SUPT20HL1: variants seen among roughly 807,000 people sequenced by gnomAD.
SUPT20HL1 encodes transcription factor SPT20 homolog-like 1.
For synonymous variants in SUPT20HL1, 133 were observed against 79.2 expected, an observed-to-expected ratio of 1.68 and a Z score of -3.61; for missense variants, 277 against 200.3, an observed-to-expected ratio of 1.38 and a Z score of -2.31.
At position 24,364,799 on chromosome X, in the gene SUPT20HL1, G is replaced by T. The variant is rs1458479625; in HGVS notation, c.2039G>T (p.Gly680Val). ...PLQFFLNTPE[G>V]LRPLTLLQVP... ...CAGTTTTTCCTAAATACTCCGGAAGGTCTCAGGCCTCTGACACTCCTCCAG... is the reference window on the plus strand; with the variant it reads ...CAGTTTTTCCTAAATACTCCGGAAGTTCTCAGGCCTCTGACACTCCTCCAG... Residue 680 changes from glycine (G) to valine (V), a missense_variant, in exon 1 of 1, where the codon GGT becomes GTT. Physicochemically the swap from Gly to Val is moderately radical, Grantham distance 109. Coordinates refer to ENST00000686983, the MANE Select transcript of SUPT20HL1 (RefSeq NM_001136234.3). 1 of 387,945 alleles carries T rather than the reference G, an allele frequency of 2.6e-6. No homozygotes were observed. The highest frequency in any genetic ancestry group is 2.5e-5 in the African/African-American group (1 of 39,521). The allele number at this position is 387,945 out of a possible 1,213,427, so 32.0% of individuals were successfully genotyped here. A position where few individuals can be genotyped will look rare whatever the true frequency, so the allele number is the denominator to read the frequency against.
chrX:24,365,984 G>C lies in SUPT20HL1; in HGVS notation c.*560G>C, dbSNP rs753878737. On this transcript the variant is annotated 3_prime_UTR_variant, in exon 1 of 1. Coordinates refer to ENST00000686983, the MANE Select transcript of SUPT20HL1 (RefSeq NM_001136234.3). Reference sequence around the variant, plus strand: ...CACTGAAACTCATGCCCATTGAACAGCAGCTCCCCATTCTCCCTTGCCCAG... The same window carrying C: ...CACTGAAACTCATGCCCATTGAACACCAGCTCCCCATTCTCCCTTGCCCAG... 3.6e-5 allele frequency among the ~76,000 whole-genome samples: 4 copies of C among 111,405 alleles called. No individual in the cohort carries two copies. Among genetic ancestry groups the C allele is most frequent in the African/African-American group, 6.5e-5 (2 of 30,575 alleles).
Position 24,360,870 on chromosome X carries a change from CACAG to C in SUPT20HL1, c.-1885_-1882del, listed in dbSNP as rs1329706244. On this transcript the variant is annotated 5_prime_UTR_variant, in exon 1 of 1. An upstream open reading frame in the 5' UTR loses its in-frame stop. Transcript: ENST00000686983. ...CCCTTGGCACTCACCATTCTGTACA[CACAG>C]ACAGAGTATTACCGCAAGCACCTGT... 6.3e-5 allele frequency among the ~76,000 whole-genome samples: 7 copies of C among 111,926 alleles called. No homozygotes were observed. Among genetic ancestry groups the C allele is most frequent in the Non-Finnish European group, 9.4e-5 (5 of 53,201 alleles).
In SUPT20HL1 at chrX:24,365,728, A is replaced by G. The variant is rs1939479695; in HGVS notation, c.*304A>G. ...GTTTGAGTCTAAACTCGTGAAACGT[A>G]TAATTTCTCTAAAGCCGTAAAATGG... On this transcript the variant is annotated 3_prime_UTR_variant, in exon 1 of 1. Coordinates refer to ENST00000686983, the MANE Select transcript of SUPT20HL1 (RefSeq NM_001136234.3). 8.9e-6 allele frequency among the ~76,000 whole-genome samples: 1 copy of G among 112,324 alleles called. No individual in the cohort carries two copies. Among genetic ancestry groups the G allele is most frequent in the Non-Finnish European group, 1.9e-5 (1 of 53,333 alleles).
At position 24,365,606 on chromosome X, in the gene SUPT20HL1, G is replaced by T. The variant is rs1409292054; in HGVS notation, c.*182G>T. Among the ~76,000 whole-genome samples, 1 of 111,527 alleles carries T rather than the reference G, an allele frequency of 9.0e-6. No individual in the cohort carries two copies. Among genetic ancestry groups the T allele is most frequent in the South Asian group, 3.7e-4 (1 of 2,672 alleles). ...TAGAAACGGAAGTGATTTCCTAAAG[G>T]AGCGTTGTTTTGCTTAAGTTACTCT... On this transcript the variant is annotated 3_prime_UTR_variant, in exon 1 of 1. Coordinates refer to ENST00000686983, the MANE Select transcript of SUPT20HL1 (RefSeq NM_001136234.3).
rs1186768578 is a variant in SUPT20HL1 at position 24,367,177 on chromosome X, C to T, written c.*1753C>T. Among the ~76,000 whole-genome samples the T allele has an allele frequency of 1.8e-5, 2 of 112,246 alleles. No individual in the cohort carries two copies. The highest frequency in any genetic ancestry group is 9.4e-5 in the Admixed American group (1 of 10,604). On this transcript the variant is annotated 3_prime_UTR_variant, in exon 1 of 1. Transcript: ENST00000686983. ...TCCTATCTGTGGTTCAATAACATTC[C>T]ATTGTTTGTATGTAGCAGATTTTGT...
At position 24,364,383 on chromosome X, in the gene SUPT20HL1, T is replaced by C. The variant is rs765320766; in HGVS notation, c.1623T>C (p.Ala541=). 40 of 589,247 alleles carry C rather than the reference T, an allele frequency of 6.8e-5. No homozygotes were observed. In the Middle Eastern group the frequency reaches 9.6e-4, roughly 14 times the overall value. The allele number at this position is 589,247 out of a possible 1,213,427, so 48.6% of individuals were successfully genotyped here. ...AAAAAPALAA[A]AAPAPAPAAA... is the part of the protein sequence containing the mutation. The stretch of plus-strand genomic sequence containing the variant: ...CTGCTGCTCCTGCTCTAGCTGCTGC[T>C]GCTGCTCCTGCTCCTGCTCCTGCCG... Residue 541 remains alanine (A), a synonymous_variant, in exon 1 of 1, where the codon GCT becomes GCC. Transcript: ENST00000686983.
chrX:24,364,851 C>T lies in SUPT20HL1; in HGVS notation c.2091C>T (p.Thr697=), dbSNP rs1319241068. ...LQVPQGSAVL[T]GPQQQSHQLV... is the part of the protein sequence containing the mutation. The stretch of plus-strand genomic sequence containing the variant: ...TTCCGCAGGGCTCGGCGGTTCTGAC[C>T]GGCCCGCAGCAGCAGTCCCATCAGC... The change falls in exon 1 of 1, where the codon ACC becomes ACT. Residue 697 remains threonine (T), a synonymous_variant. Transcript: ENST00000686983. 7.8e-6 allele frequency: 3 copies of T among 386,614 alleles called. No individual in the cohort carries two copies. The highest frequency in any genetic ancestry group is 2.5e-5 in the African/African-American group (1 of 39,496). The allele number at this position is 386,614 out of a possible 1,213,427, so 31.9% of individuals were successfully genotyped here. A position where few individuals can be genotyped will look rare whatever the true frequency, so the allele number is the denominator to read the frequency against.
At position 24,365,939 on chromosome X, in the gene SUPT20HL1, A is replaced by T. The variant is rs2148151517; in HGVS notation, c.*515A>T. Among the ~76,000 whole-genome samples, 1 of 111,714 alleles carries T rather than the reference A, an allele frequency of 9.0e-6. No individual in the cohort carries two copies. The highest frequency in any genetic ancestry group is 2.8e-4 in the East Asian group (1 of 3,575). ...GTCCATCCCCACGGTTGTGCCGCAG[A>T]TCTCGAGACCATCTTGCAACACTGA... On this transcript the variant is annotated 3_prime_UTR_variant, in exon 1 of 1. Coordinates refer to ENST00000686983, the MANE Select transcript of SUPT20HL1 (RefSeq NM_001136234.3).
In SUPT20HL1 at chrX:24,361,140, G is replaced by A. The variant is rs147718303; in HGVS notation, c.-1621G>A. Among the ~76,000 whole-genome samples, 28 of 112,357 alleles carry A rather than the reference G, an allele frequency of 2.5e-4. No individual in the cohort carries two copies. Among genetic ancestry groups the A allele is most frequent in the Non-Finnish European group, 3.8e-4 (20 of 53,229 alleles). On this transcript the variant is annotated 5_prime_UTR_variant, in exon 1 of 1. Transcript: ENST00000686983. The stretch of plus-strand genomic sequence containing the variant: ...TGGAGCCGCTTGTGCTCAGGAATAC[G>A]TCTCTCATTGTCTGTTTTCCTATCC...
rs914368997 is a variant in SUPT20HL1 at position 24,367,009 on chromosome X, A to G, written c.*1585A>G. The stretch of plus-strand genomic sequence containing the variant: ...CACTCCCAGCCTCTGGCAACCACCA[A>G]TTTGCTTTCTGTTTCTATGGATTTA... On this transcript the variant is annotated 3_prime_UTR_variant, in exon 1 of 1. Coordinates refer to ENST00000686983, the MANE Select transcript of SUPT20HL1 (RefSeq NM_001136234.3). Among the ~76,000 whole-genome samples, 1 of 106,419 alleles carries G rather than the reference A, an allele frequency of 9.4e-6. No homozygotes were observed. Among genetic ancestry groups the G allele is most frequent in the Non-Finnish European group, 1.9e-5 (1 of 52,306 alleles). The allele number at this position is 106,419 out of a possible 115,157, so 92.4% of individuals were successfully genotyped here.
At position 24,361,054 on chromosome X, in the gene SUPT20HL1, C is replaced by T. The variant is rs1388603703; in HGVS notation, c.-1707C>T. Among the ~76,000 whole-genome samples, 5 of 112,347 alleles carry T rather than the reference C, an allele frequency of 4.5e-5. No homozygotes were observed. The highest frequency in any genetic ancestry group is 9.7e-5 in the African/African-American group (3 of 30,893). On this transcript the variant is annotated 5_prime_UTR_variant, in exon 1 of 1. In the 5' UTR this introduces an upstream ATG that the reference lacks. Transcript: ENST00000686983. ...TACCCCAGCTTCCTTGCATCTAGGA[C>T]GGGACAATCTGAGGCTTATTCTGTA... is the stretch of plus-strand genomic sequence containing the variant.
chrX:24,361,652 G>A lies in SUPT20HL1; in HGVS notation c.-1109G>A, dbSNP rs752505491. Among the ~76,000 whole-genome samples the A allele has an allele frequency of 4.5e-5, 5 of 111,687 alleles. No homozygotes were observed. Among genetic ancestry groups the A allele is most frequent in the African/African-American group, 1.6e-4 (5 of 30,722 alleles). On this transcript the variant is annotated 5_prime_UTR_variant, in exon 1 of 1. Transcript: ENST00000686983. ...GCCATCACCTGGAACAATTGTTCTCGTCCTTATCAGGTGCAAATCACCTTG... is the reference window on the plus strand; with the variant it reads ...GCCATCACCTGGAACAATTGTTCTCATCCTTATCAGGTGCAAATCACCTTG...
In SUPT20HL1 at chrX:24,365,725, C is replaced by T. The variant is rs1366299865; in HGVS notation, c.*301C>T. On this transcript the variant is annotated 3_prime_UTR_variant, in exon 1 of 1. Coordinates refer to ENST00000686983, the MANE Select transcript of SUPT20HL1 (RefSeq NM_001136234.3). ...CCAGTTTGAGTCTAAACTCGTGAAA[C>T]GTATAATTTCTCTAAAGCCGTAAAA... Among the ~76,000 whole-genome samples the T allele has an allele frequency of 1.8e-5, 2 of 111,645 alleles. No individual in the cohort carries two copies. The highest frequency in any genetic ancestry group is 3.8e-5 in the Non-Finnish European group (2 of 53,154).
Position 24,365,275 on chromosome X carries a change from C to T in SUPT20HL1, c.2515C>T (p.Leu839Phe), listed in dbSNP as rs759989696. Reference protein sequence around the residue: ...RVLQQPQHIQLQTQQLRVLQQ... With the variant: ...RVLQQPQHIQFQTQQLRVLQQ... Reference sequence around the variant, plus strand: ...CTTGCAGCAGCCGCAGCATATCCAGCTCCAGACTCAGCAGTTGAGAGTCCT... The same window carrying T: ...CTTGCAGCAGCCGCAGCATATCCAGTTCCAGACTCAGCAGTTGAGAGTCCT... Residue 839 changes from leucine to phenylalanine, a missense_variant, in exon 1 of 1, where the codon CTC becomes TTC. Coordinates refer to ENST00000686983, the MANE Select transcript of SUPT20HL1 (RefSeq NM_001136234.3). The T allele has an allele frequency of 3.4e-5, 13 of 386,528 alleles. No homozygotes were observed. Among genetic ancestry groups the T allele is most frequent in the South Asian group, 1.6e-4 (7 of 42,651 alleles). The allele number at this position is 386,528 out of a possible 1,213,427, so 31.9% of individuals were successfully genotyped here.
chrX:24,361,447 A>G lies in SUPT20HL1; in HGVS notation c.-1314A>G, dbSNP rs1026738885. Among the ~76,000 whole-genome samples the G allele has an allele frequency of 8.0e-5, 9 of 112,222 alleles. No homozygotes were observed. Among genetic ancestry groups the G allele is most frequent in the African/African-American group, 2.9e-4 (9 of 30,848 alleles). ...CTATGGAGTAGTTCTCCCCAGAAAA[A>G]CATTATTGATCTTGTCCAATAAAAC... On this transcript the variant is annotated 5_prime_UTR_variant, in exon 1 of 1. Transcript: ENST00000686983.
In SUPT20HL1 at chrX:24,361,913, C is replaced by T. The variant is rs1230288519; in HGVS notation, c.-848C>T. Among the ~76,000 whole-genome samples, 15 of 112,212 alleles carry T rather than the reference C, an allele frequency of 1.3e-4. No individual in the cohort carries two copies. Among genetic ancestry groups the T allele is most frequent in the African/African-American group, 4.5e-4 (14 of 30,945 alleles). ...CCTGATGCTTGCCACAAATCTGTGG[C>T]GTCTCTGGGCATGGAAGCACTGCTA... On this transcript the variant is annotated 5_prime_UTR_variant, in exon 1 of 1. Coordinates refer to ENST00000686983, the MANE Select transcript of SUPT20HL1 (RefSeq NM_001136234.3).
Position 24,365,057 on chromosome X carries a change from G to C in SUPT20HL1, c.2297G>C (p.Ser766Thr). The change falls in exon 1 of 1, where the codon AGT (serine) becomes ACT (threonine). Residue 766 changes from serine to threonine, a missense_variant. Transcript: ENST00000686983. ...LQPQPQPAVL[S>T]LLGSAQVPQQ... The stretch of plus-strand genomic sequence containing the variant: ...CCCCAGCCCCAGCCTGCTGTGTTGA[G>C]TCTGCTTGGCTCTGCCCAGGTTCCT... 1 of 356,864 alleles carries C rather than the reference G, an allele frequency of 2.8e-6. No individual in the cohort carries two copies. Among genetic ancestry groups the C allele is most frequent in the Non-Finnish European group, 5.6e-6 (1 of 177,885 alleles). The allele number at this position is 356,864 out of a possible 1,213,427, so 29.4% of individuals were successfully genotyped here.
In SUPT20HL1 at chrX:24,362,378, G is replaced by C. The variant is rs752049885; in HGVS notation, c.-383G>C. On this transcript the variant is annotated 5_prime_UTR_variant, in exon 1 of 1. Coordinates refer to ENST00000686983, the MANE Select transcript of SUPT20HL1 (RefSeq NM_001136234.3). ...TGCAGAGACGTGAAGCCCGGGCCAC[G>C]ACGACGACCCCTCAGGTACCGATGT... 1.1e-3 allele frequency among the ~76,000 whole-genome samples: 126 copies of C among 111,930 alleles called. No individual in the cohort carries two copies. Among genetic ancestry groups the C allele is most frequent in the African/African-American group, 3.5e-3 (109 of 30,858 alleles).
chrX:24,360,981 C>T lies in SUPT20HL1; in HGVS notation c.-1780C>T, dbSNP rs765805494. Among the ~76,000 whole-genome samples, 8 of 112,128 alleles carry T rather than the reference C, an allele frequency of 7.1e-5. No individual in the cohort carries two copies. The highest frequency in any genetic ancestry group is 1.5e-4 in the Non-Finnish European group (8 of 53,221). On this transcript the variant is annotated 5_prime_UTR_variant, in exon 1 of 1. Transcript: ENST00000686983. ...CAACCAGAAGTGTCAGGGAATAATG[C>T]TCCCAGGACTGTCCTCAGTCTATGA...
Sources: allele counts gnomAD v4.1 joint callset (sites outside exome capture counted in the v4.1 genomes callset), GRCh38; gene constraint gnomAD v4.1.1; transcripts MANE v1.5; gene names NCBI Gene and HGNC (gene_info 2026-07-23, HGNC 2026-07-21).